CALN1: variants seen among roughly 807,000 people sequenced by gnomAD.
The protein encoded by CALN1 is calneuron 1.
CALN1 carries 17 observed loss-of-function variants against 30.6 expected under a neutral mutation model. The ratio of observed to expected loss-of-function variants is 0.56; its 90% CI spans 0.38 to 0.83. The LOEUF (loss-of-function observed/expected upper bound fraction) is 0.83. CALN1 is among the 40% of genes least tolerant of loss of function. The pLI is 0.00. For missense variants in CALN1, 291 were observed against 354.9 expected, an observed-to-expected ratio of 0.82 and a Z score of 1.45; for synonymous variants, 156 against 131.4, an observed-to-expected ratio of 1.19 and a Z score of -1.28.
intron 1 of CALN1, among the ~76,000 whole-genome samples, chr7:72,417,925 C>G (rs182740428): frequency 5.4e-4 from 82 of 152,286 alleles, no homozygotes; most frequent in African/African-American, 1.9e-3. Flanking sequence ...CTGTTTTTCC[C>G]TGTTCCTCTT....
At chr7:72,104,339 G>T (rs1216654470) in intron 4 of CALN1, 2 of 152,214 alleles carry the variant, frequency 1.3e-5, no homozygotes, top group Non-Finnish European at 2.9e-5. Flanking sequence ...ATTGGGAGGT[G>T]ATGGCTAAGA....
chr7:71,975,508 C>T (rs1798058817), intron 5 of CALN1, among the ~76,000 whole-genome samples: 1 of 152,114 alleles, frequency 6.6e-6, no homozygotes, highest in Non-Finnish European at 1.5e-5. Context: ...CTCACTGCAG[C>T]CTCCAACTCC....
intron 5 of CALN1, among the ~76,000 whole-genome samples, chr7:71,819,563 C>T (rs1486185076): frequency 6.6e-6 from 1 of 152,172 alleles, no homozygotes; most frequent in Non-Finnish European, 1.5e-5. Flanking sequence ...CATACAAACA[C>T]CACAATTACT....
chr7:71,913,254 T>TA (rs1327916920), intron 5 of CALN1, among the ~76,000 whole-genome samples: 4 of 152,206 alleles, frequency 2.6e-5, no homozygotes. Flanking sequence ...TTCCAAATTC[T>TA]AGCAGTAAGT....
chr7:71,990,922 A>G (rs1798914991), intron 5 of CALN1, among the ~76,000 whole-genome samples: 1 of 151,880 alleles, frequency 6.6e-6, no homozygotes, highest in African/African-American at 2.4e-5. Flanking sequence ...CACAACATAC[A>G]CTCCAGAAAT....
chr7:72,292,118 T>G (rs574865855), intron 2 of CALN1, among the ~76,000 whole-genome samples: 1 of 152,210 alleles, frequency 6.6e-6, no homozygotes, highest in East Asian at 1.9e-4. Flanking sequence ...GCCATTACTC[T>G]TGCACCAACC....
At chr7:72,066,613 T>C (rs541932757) in intron 4 of CALN1, among the ~76,000 whole-genome samples, 2 of 152,184 alleles carry the variant, frequency 1.3e-5, no homozygotes, top group Admixed American at 6.5e-5. Context: ...AGCTACTATA[T>C]GTATGACTCT....
At chr7:72,474,679 T>C in the CALN1 span, among the ~76,000 whole-genome samples, 1 of 146,966 alleles carries the variant, frequency 6.8e-6, no homozygotes, top group East Asian at 1.9e-4. Context: ...GAGCGAGATC[T>C]TGTCCCAAAA....
At chr7:72,087,933 C>G (rs753731163) in intron 4 of CALN1, among the ~76,000 whole-genome samples, 2 of 152,134 alleles carry the variant, frequency 1.3e-5, no homozygotes, top group African/African-American at 4.8e-5. Flanking sequence ...GAAGCAGAGA[C>G]AGGAGGATCA....
chr7:72,408,340 G>A (rs566322091), intron 1 of CALN1, among the ~76,000 whole-genome samples: 8 of 151,878 alleles, frequency 5.3e-5, no homozygotes, highest in South Asian at 4.2e-4. Context: ...ACTCAGGAGG[G>A]TAAGGCATGA....
intron 3 of CALN1, among the ~76,000 whole-genome samples, chr7:72,255,257 G>GT (rs1288103032): frequency 6.6e-6 from 1 of 150,448 alleles, no homozygotes; most frequent in African/African-American, 2.4e-5. Flanking sequence ...GGCTAATTCT[G>GT]TTTGTTTATA....
chr7:71,898,054 A>G (rs1793647048), intron 5 of CALN1, among the ~76,000 whole-genome samples: 1 of 150,324 alleles, frequency 6.7e-6, no homozygotes, highest in Non-Finnish European at 1.5e-5. Context: ...TTGGCAATCA[A>G]TTGGAAACTA....
chr7:72,114,082 G>C (rs1281449707), intron 3 of CALN1, among the ~76,000 whole-genome samples: 1 of 151,570 alleles, frequency 6.6e-6, no homozygotes, highest in Non-Finnish European at 1.5e-5. Flanking sequence ...GGGATGATTT[G>C]AAAGACAATG....
the CALN1 span, among the ~76,000 whole-genome samples, chr7:72,476,289 C>T: frequency 2.7e-3 from 414 of 152,232 alleles, 2 homozygotes; most frequent in African/African-American, 9.5e-3. Context: ...TGTGCCTTTG[C>T]TTCTCCTTTG....
intron 3 of CALN1, among the ~76,000 whole-genome samples, chr7:72,156,752 T>C (rs913489820): frequency 2.6e-5 from 4 of 152,300 alleles, no homozygotes; most frequent in South Asian, 2.1e-4. Flanking sequence ...GGGATGCACC[T>C]CCCGTGGTGG....
intron 2 of CALN1, among the ~76,000 whole-genome samples, chr7:72,350,634 G>T (rs1802872389): frequency 6.6e-6 from 1 of 152,102 alleles, no homozygotes; most frequent in African/African-American, 2.4e-5. Context: ...ATTTGAGGGT[G>T]GAGCAGGAGG....
chr7:71,821,974 G>T (rs905129819), intron 5 of CALN1, among the ~76,000 whole-genome samples: 5 of 151,704 alleles, frequency 3.3e-5, no homozygotes, highest in Admixed American at 2.0e-4. Flanking sequence ...GGCCATGTTG[G>T]CCCAGGCTGG....
intron 3 of CALN1, among the ~76,000 whole-genome samples, chr7:72,263,866 A>G (rs1437755765): frequency 1.3e-5 from 2 of 152,144 alleles, no homozygotes; most frequent in Admixed American, 6.6e-5. Context: ...TGCCTCAAGG[A>G]TGAAACAAAT....
At chr7:71,948,600 C>T (rs760367203) in intron 5 of CALN1, among the ~76,000 whole-genome samples, 2 of 151,450 alleles carry the variant, frequency 1.3e-5, no homozygotes, top group Non-Finnish European at 2.9e-5. Context: ...CATGGTGGTG[C>T]ATTGCCTGTA....
Sources: gnomAD v4.1 joint callset for allele counts (sites outside exome capture counted in the v4.1 genomes callset) on GRCh38, gnomAD v4.1.1 for gene constraint, MANE v1.5 for transcripts, NCBI Gene and HGNC (gene_info 2026-07-23, HGNC 2026-07-21) for gene names.